Variants in ARID4A observed in about 807,000 individuals in gnomAD.
ARID4A encodes AT-rich interaction domain 4A.
Under a neutral mutation model 148.6 loss-of-function variants are expected in ARID4A, and 39 were observed. The observed-to-expected ratio is 0.26, with a 90% CI of 0.20 to 0.34. ARID4A has a LOEUF of 0.34. Ranked by LOEUF, ARID4A falls within the 10% of genes least tolerant of loss-of-function variation. The pLI, the probability that ARID4A is intolerant of heterozygous loss-of-function variation, is 1.00. For missense variants in ARID4A, 1,265 were observed against 1,449.1 expected (o/e 0.87, Z 2.06); for synonymous variants, 475 against 481.2 (o/e 0.99, Z 0.17).
Position 58,364,429 on chromosome 14 carries a change from A to AG in ARID4A, c.2341dup (p.Glu781GlyfsTer3). 1 of 1,613,138 alleles carries AG rather than the reference A, an allele frequency of 6.2e-7. No homozygotes were observed. The highest frequency in any genetic ancestry group is 2.2e-5 in the East Asian group (1 of 44,796). The stretch of plus-strand genomic sequence containing the variant: ...TTGGGAACAAAATGGAAAAAACAGA[A>AG]GAAGTTAAGAAAGAAGCCGAAAAAT... On this transcript the variant is annotated frameshift_variant, in exon 20 of 24. Coordinates refer to ENST00000355431, the MANE Select transcript of ARID4A (RefSeq NM_002892.4). LOFTEE classifies it high-confidence loss of function.
chr14:58,345,660 G>C (rs1278928722), intron 12 of ARID4A, among the ~76,000 whole-genome samples: 1 of 149,550 alleles, frequency 6.7e-6, no homozygotes, highest in Middle Eastern at 3.2e-3. Context: ...TGTCAAAGTA[G>C]TGAAAGTGGA....
intron 15 of ARID4A, among the ~76,000 whole-genome samples, chr14:58,348,998 A>G (rs981371549): frequency 1.1e-4 from 16 of 152,280 alleles, no homozygotes; most frequent in African/African-American, 3.6e-4. Context: ...TTCTGTACCC[A>G]TTAAACAGTA....
At chr14:58,317,526 C>G (rs1449260693) in intron 5 of ARID4A, among the ~76,000 whole-genome samples, 1 of 150,746 alleles carries the variant, frequency 6.6e-6, no homozygotes, top group Non-Finnish European at 1.5e-5. Flanking sequence ...GACCTGACCT[C>G]GTGATCCGCC....
chr14:58,364,976 G>T lies in ARID4A; in HGVS notation c.2887G>T (p.Asp963Tyr). Residue 963 changes from aspartate to tyrosine, a missense_variant, in exon 20 of 24, where the codon GAT becomes TAT. Physicochemically the swap from Asp to Tyr is radical, Grantham distance 160 (BLOSUM62 -3). Transcript: ENST00000355431. ...GPETLVCHEV[D>Y]LDDLDEKDKT... is the part of the protein sequence containing the mutation. Reference sequence around the variant, plus strand: ...TGAAACCTTGGTTTGCCATGAAGTAGATTTGGATGATTTGGATGAAAAGGA... The same window carrying T: ...TGAAACCTTGGTTTGCCATGAAGTATATTTGGATGATTTGGATGAAAAGGA... The T allele has an allele frequency of 1.2e-6, 2 of 1,614,124 alleles. No homozygotes were observed. The highest frequency in any genetic ancestry group is 1.7e-6 in the Non-Finnish European group (2 of 1,180,004).
chr14:58,298,868 G>A (rs1478347215), intron 1 of ARID4A, among the ~76,000 whole-genome samples, 168 bp downstream of exon 1: 1 of 152,196 alleles, frequency 6.6e-6, no homozygotes, highest in East Asian at 1.9e-4. Flanking sequence ...TTGACCAGCG[G>A]CAGCAACTGC....
intron 15 of ARID4A, 129 bp downstream of exon 15, chr14:58,348,007 C>A: frequency 1.6e-6 from 1 of 637,820 alleles, no homozygotes; most frequent in Non-Finnish European, 2.6e-6. Context: ...TGCTGCTTAG[C>A]TAGCTACTTT....
intron 13 of ARID4A, 56 bp downstream of exon 13, chr14:58,346,561 T>C (rs1178394365): frequency 8.7e-7 from 1 of 1,146,886 alleles, no homozygotes; most frequent in Non-Finnish European, 1.3e-6. Context: ...AGTTAAGTTA[T>C]CTTATATTGC....
Position 58,323,514 on chromosome 14 carries a change from G to C in ARID4A, c.479G>C (p.Ser160Thr). The C allele has an allele frequency of 1.9e-6, 3 of 1,613,890 alleles. No homozygotes were observed. Among genetic ancestry groups the C allele is most frequent in the South Asian group, 1.1e-5 (1 of 91,080 alleles). Residue 160 changes from serine (S) to threonine (T), a missense_variant, in exon 8 of 24, where the codon AGT (serine) becomes ACT (threonine). Physicochemically the swap from Ser to Thr is moderately conservative, Grantham distance 58. This residue lies in a region of ARID4A where 249 missense variants were observed against 277.2 expected (regional missense o/e 0.90). Coordinates refer to ENST00000355431, the MANE Select transcript of ARID4A (RefSeq NM_002892.4). ...VTEDEKEEESSEEEDEDKRRL... is the reference protein window; with the variant it reads ...VTEDEKEEESTEEEDEDKRRL... ...GAAGATGAAAAGGAAGAAGAAAGCA[G>C]TGAAGAGGAAGATGAAGACAAGCGC...
chr14:58,325,172 T>C (rs1237813129), intron 8 of ARID4A, among the ~76,000 whole-genome samples: 6 of 152,206 alleles, frequency 3.9e-5, no homozygotes, highest in Non-Finnish European at 5.9e-5. Context: ...TTTTCTTCTC[T>C]TCCTACTCCT....
chr14:58,302,327 C>G (rs1315547881), intron 3 of ARID4A, among the ~76,000 whole-genome samples: 3 of 152,152 alleles, frequency 2.0e-5, no homozygotes, highest in Admixed American at 2.0e-4. Context: ...AATCCTGTCT[C>G]TACTAAAAAT....
At chr14:58,341,268 G>C (rs1467907684) in intron 11 of ARID4A, among the ~76,000 whole-genome samples, 2 of 152,188 alleles carry the variant, frequency 1.3e-5, no homozygotes, top group Non-Finnish European at 2.9e-5. Flanking sequence ...CTCTTTAGCT[G>C]TCTCAAGCTT....
chr14:58,366,753 A>G, intron 22 of ARID4A, 130 bp from the exon 23 acceptor site: 1 of 635,466 alleles, frequency 1.6e-6, no homozygotes, highest in Non-Finnish European at 2.5e-6. Context: ...AGTCTTATTC[A>G]GCTTACTGTA....
chr14:58,366,891 G>C lies in ARID4A; in HGVS notation c.3532G>C (p.Asp1178His). 1 of 1,496,666 alleles carries C rather than the reference G, an allele frequency of 6.7e-7. No homozygotes were observed. The highest frequency in any genetic ancestry group is 8.8e-7 in the Non-Finnish European group (1 of 1,132,596). The allele number at this position is 1,496,666 out of a possible 1,614,324, so 92.7% of individuals were successfully genotyped here. A position where few individuals can be genotyped will look rare whatever the true frequency, so the allele number is the denominator to read the frequency against. The change falls in exon 23 of 24, where the codon GAT becomes CAT. Residue 1178 changes from aspartate (D) to histidine (H), a missense_variant. Coordinates refer to ENST00000355431, the MANE Select transcript of ARID4A (RefSeq NM_002892.4). ...TCTTTCCCCCCTTTTAGATGAATTA[G>C]ATAATATGAACAGTACAGAGAGAAT... The part of the protein sequence containing the change: ...YKWSFQLNEL[D>H]NMNSTERISF...
In ARID4A at chr14:58,298,574, G is replaced by T. The variant is rs548877916; in HGVS notation, c.-184G>T. 6.5e-6 allele frequency: 1 copy of T among 153,046 alleles called. No homozygotes were observed. The highest frequency in any genetic ancestry group is 6.5e-5 in the Admixed American group (1 of 15,288). 9.5% of individuals were successfully genotyped at this position (153,046 alleles called of 1,614,324 possible). The stretch of plus-strand genomic sequence containing the variant: ...TTGGTGGATTGTGGCAGTAAATCGG[G>T]GCGAGTGGGGAACCCGGCGCAGGAA... On this transcript the variant is annotated 5_prime_UTR_variant, in exon 1 of 24. Transcript: ENST00000355431.
At chr14:58,360,090 TC>T (rs2035071401) in intron 18 of ARID4A, among the ~76,000 whole-genome samples, 1 of 152,022 alleles carries the variant, frequency 6.6e-6, no homozygotes, top group Non-Finnish European at 1.5e-5. Context: ...AAATCTTGAT[TC>T]TTGACAGATA....
intron 7 of ARID4A, among the ~76,000 whole-genome samples, chr14:58,322,511 G>A (rs1365780424): frequency 3.9e-5 from 6 of 152,146 alleles, no homozygotes; most frequent in African/African-American, 1.2e-4. Context: ...AAAGAAAACT[G>A]TGGAGTCTCA....
rs2033438242 is a variant in ARID4A, at chr14:58,330,113, G to T, written c.850G>T (p.Ala284Ser). 6.2e-7 allele frequency: 1 copy of T among 1,613,348 alleles called. No homozygotes were observed. Among genetic ancestry groups the T allele is most frequent in the Non-Finnish European group, 8.5e-7 (1 of 1,179,794 alleles). Residue 284 changes from alanine (A) to serine (S), a missense_variant, in exon 11 of 24, where the codon GCT (alanine) becomes TCT (serine). Physicochemically the swap from Ala to Ser is moderately conservative, Grantham distance 99 (BLOSUM62 1). Coordinates refer to ENST00000355431, the MANE Select transcript of ARID4A (RefSeq NM_002892.4). ...CAGTAGTGATGATGAAGATGGCCCA[G>T]CTGAAGAAAATGATGAAGAGAAGGA... The part of the protein sequence containing the change: ...SSSSDDEDGP[A>S]EENDEEKEKE...
Position 58,299,795 on chromosome 14 carries a change from T to C in ARID4A, c.-57-3T>C. Reference sequence around the variant, plus strand: ...CTGTGCCTGTCTTTCCCCCTCCCCATAGTTCTAGCGACTGCGAAGATAGCT... The same window carrying C: ...CTGTGCCTGTCTTTCCCCCTCCCCACAGTTCTAGCGACTGCGAAGATAGCT... On this transcript the variant is annotated splice_region_variant and splice_polypyrimidine_tract_variant and intron_variant, in intron 1 of 23. Coordinates refer to ENST00000355431, the MANE Select transcript of ARID4A (RefSeq NM_002892.4). 1.2e-6 allele frequency: 2 copies of C among 1,605,920 alleles called. No homozygotes were observed. The highest frequency in any genetic ancestry group is 1.3e-5 in the African/African-American group (1 of 74,698).
intron 16 of ARID4A, 160 bp downstream of exon 16, chr14:58,351,483 G>A (rs2034636175): frequency 9.3e-6 from 9 of 972,960 alleles, no homozygotes; most frequent in Non-Finnish European, 1.2e-5. Context: ...GATGTGTATT[G>A]CCTTTCGGAA....
Sources: allele counts gnomAD v4.1 joint callset (sites outside exome capture counted in the v4.1 genomes callset), GRCh38; gene constraint gnomAD v4.1.1; regional missense constraint gnomAD v4.1.1; transcripts MANE v1.5; gene names NCBI Gene and HGNC (gene_info 2026-07-23, HGNC 2026-07-21).